The following MGAT4A variants were observed in gnomAD, a reference collection of about 807,000 sequenced individuals.
MGAT4A encodes the protein alpha-1,3-mannosyl-glycoprotein 4-beta-N-acetylglucosaminyltransferase A.
In MGAT4A, 33 loss-of-function variants were observed where a neutral mutation model predicts 74.1. That is an observed-to-expected ratio of 0.45 (90% CI 0.34 to 0.60). The LOEUF (loss-of-function observed/expected upper bound fraction) is 0.60, where lower values mean the gene tolerates loss of function less well. Among genes scored for constraint, MGAT4A ranks in the 20% least tolerant of loss-of-function variants. The pLI, the probability that MGAT4A is intolerant of heterozygous loss-of-function variation, is 0.02. For synonymous variants in MGAT4A, 198 were observed against 210.4 expected (o/e 0.94, Z 0.51); for missense variants, 479 against 628.3 (o/e 0.76, Z 2.54).
chr2:98,645,553 T>C lies in MGAT4A; in HGVS notation c.775-11A>G. 1.3e-6 allele frequency: 2 copies of C among 1,527,552 alleles called. No homozygotes were observed. The highest frequency in any genetic ancestry group is 8.8e-7 in the Non-Finnish European group (1 of 1,133,978). 94.6% of individuals were successfully genotyped at this position (1,527,552 alleles called of 1,614,324 possible). A position where few individuals can be genotyped will look rare whatever the true frequency, so the allele number is the denominator to read the frequency against. ...AATATCATCTTCAAGCTAGAGAAAA[T>C]TGAACAATCATATTAATACATCAAA... On this transcript the variant is annotated splice_polypyrimidine_tract_variant and intron_variant, in intron 8 of 15. Transcript: ENST00000393487.
At chr2:98,711,829 A>C (rs758100733) in intron 2 of MGAT4A, among the ~76,000 whole-genome samples, 3 of 152,058 alleles carry the variant, frequency 2.0e-5, no homozygotes, top group Non-Finnish European at 2.9e-5. Flanking sequence ...GTAGAGATGG[A>C]GTCTTACTTT....
At chr2:98,642,307 C>T (rs867717114) in intron 10 of MGAT4A, among the ~76,000 whole-genome samples, 2 of 152,198 alleles carry the variant, frequency 1.3e-5, no homozygotes, top group Middle Eastern at 6.8e-3. Context: ...GGACTCTGGC[C>T]GAAGGGCCCA....
At chr2:98,630,748 G>A (rs958479640) in intron 14 of MGAT4A, among the ~76,000 whole-genome samples, 2 of 152,148 alleles carry the variant, frequency 1.3e-5, no homozygotes, top group East Asian at 1.9e-4. Flanking sequence ...CAATACTCCC[G>A]AAGGGACACA....
chr2:98,678,657 T>A (rs953643104), intron 2 of MGAT4A, among the ~76,000 whole-genome samples, 186 bp from the exon 3 acceptor site: 4 of 152,172 alleles, frequency 2.6e-5, no homozygotes, highest in Non-Finnish European at 5.9e-5. Context: ...TCTTATTATT[T>A]GTAAGAATGC....
intron 14 of MGAT4A, among the ~76,000 whole-genome samples, chr2:98,626,040 ATTTAC>A (rs1238908961): frequency 2.0e-5 from 3 of 152,164 alleles, no homozygotes; most frequent in Non-Finnish European, 4.4e-5. Flanking sequence ...AAACTTCACA[ATTTAC>A]TTAATTAGGC....
At chr2:98,625,675 A>C (rs1218535976) in intron 15 of MGAT4A, 48 bp downstream of exon 15, 1 of 1,566,924 alleles carries the variant, frequency 6.4e-7, no homozygotes, top group African/African-American at 1.4e-5. Flanking sequence ...TAAAAACATA[A>C]TAAAAATGTA....
At position 98,621,652 on chromosome 2, in the gene MGAT4A, A is replaced by C. The variant is rs917757080; in HGVS notation, c.*3914T>G. The C allele has an allele frequency of 2.1e-6, 3 of 1,447,388 alleles. No homozygotes were observed. Among genetic ancestry groups the C allele is most frequent in the Admixed American group, 5.4e-5 (2 of 37,230 alleles). 89.7% of individuals were successfully genotyped at this position (1,447,388 alleles called of 1,614,324 possible). A position where few individuals can be genotyped will look rare whatever the true frequency, so the allele number is the denominator to read the frequency against. ...CAAGGTCATTGGTGGGGGTGTCAGT[A>C]GGGGTCATTCTTAGAAATTTGCCTA... is the stretch of plus-strand genomic sequence containing the variant. On this transcript the variant is annotated 3_prime_UTR_variant, in exon 16 of 16. Coordinates refer to ENST00000393487, the MANE Select transcript of MGAT4A (RefSeq NM_012214.3).
chr2:98,666,899 A>G (rs1167162806), intron 4 of MGAT4A, among the ~76,000 whole-genome samples: 1 of 152,120 alleles, frequency 6.6e-6, no homozygotes, highest in Non-Finnish European at 1.5e-5. Context: ...TTGCTTTGCT[A>G]AAGTTTAGAT....
intron 2 of MGAT4A, among the ~76,000 whole-genome samples, chr2:98,714,778 T>C (rs900387881): frequency 5.9e-5 from 9 of 152,274 alleles, no homozygotes; most frequent in Admixed American, 1.3e-4. Context: ...TTGCACAACA[T>C]TGTGAATGTA....
chr2:98,670,466 G>A (rs574855400), intron 4 of MGAT4A, among the ~76,000 whole-genome samples: 26 of 152,144 alleles, frequency 1.7e-4, no homozygotes, highest in East Asian at 1.2e-3. Flanking sequence ...CCACTTTCCC[G>A]GGAAGTTTTC....
chr2:98,676,807 G>A (rs563067991), intron 3 of MGAT4A, among the ~76,000 whole-genome samples: 4 of 152,198 alleles, frequency 2.6e-5, no homozygotes, highest in African/African-American at 9.6e-5. Flanking sequence ...TAACAATTTT[G>A]AAGAAAAACA....
intron 2 of MGAT4A, among the ~76,000 whole-genome samples, chr2:98,701,559 T>G (rs541336082): frequency 6.6e-6 from 1 of 152,364 alleles, no homozygotes; most frequent in African/African-American, 2.4e-5. Flanking sequence ...GCACATGTAC[T>G]GCTTAAGAAG....
At chr2:98,709,314 G>C (rs1440895424) in intron 2 of MGAT4A, among the ~76,000 whole-genome samples, 1 of 152,062 alleles carries the variant, frequency 6.6e-6, no homozygotes, top group Non-Finnish European at 1.5e-5. Context: ...AGCAATAATG[G>C]AGGTCCAATC....
At chr2:98,727,529 C>T (rs1199519100) in intron 1 of MGAT4A, among the ~76,000 whole-genome samples, 2 of 152,196 alleles carry the variant, frequency 1.3e-5, no homozygotes, top group Non-Finnish European at 2.9e-5. Context: ...TCCCTGGAGG[C>T]ACGCCAGGCC....
chr2:98,658,282 T>C lies in MGAT4A; in HGVS notation c.538-18A>G, dbSNP rs751980088. The stretch of plus-strand genomic sequence containing the variant: ...ATATCTGTCTGGGAAAGAAAAAAAA[T>C]GTATCTATATTCAAGTTTTTATATT... On this transcript the variant is annotated intron_variant, in intron 5 of 15. Coordinates refer to ENST00000393487, the MANE Select transcript of MGAT4A (RefSeq NM_012214.3). 80 of 1,481,316 alleles carry C rather than the reference T, an allele frequency of 5.4e-5. No individual in the cohort carries two copies. The highest frequency in any genetic ancestry group is 7.3e-5 in the Non-Finnish European group (79 of 1,084,558). 91.8% of individuals were successfully genotyped at this position (1,481,316 alleles called of 1,614,324 possible). A position where few individuals can be genotyped will look rare whatever the true frequency, so the allele number is the denominator to read the frequency against.
Position 98,658,207 on chromosome 2 carries a change from G to T in MGAT4A, c.584+11C>A, listed in dbSNP as rs1211907191. The T allele has an allele frequency of 2.0e-5, 31 of 1,540,572 alleles. No homozygotes were observed. Among genetic ancestry groups the T allele is most frequent in the Non-Finnish European group, 2.7e-5 (30 of 1,125,814 alleles). ...AAAATATTTGTATGTTTATAATTAA[G>T]AAGAACTTACTCTTTCTCCAGGTTG... On this transcript the variant is annotated intron_variant, in intron 6 of 15. Transcript: ENST00000393487.
At chr2:98,673,819 C>T (rs184306069) in intron 4 of MGAT4A, among the ~76,000 whole-genome samples, 19 of 152,188 alleles carry the variant, frequency 1.2e-4, no homozygotes, top group Admixed American at 1.2e-3. Context: ...AGACATCTTA[C>T]CCAAAAAGTG....
intron 12 of MGAT4A, 34 bp downstream of exon 12, chr2:98,639,774 T>G: frequency 6.5e-7 from 1 of 1,535,402 alleles, no homozygotes; most frequent in Non-Finnish European, 8.9e-7. Flanking sequence ...GAGATCCAAA[T>G]TGTAAGATCA....
At chr2:98,721,647 A>C (rs1702673129) in intron 2 of MGAT4A, among the ~76,000 whole-genome samples, 1 of 152,180 alleles carries the variant, frequency 6.6e-6, no homozygotes, top group Non-Finnish European at 1.5e-5. Flanking sequence ...AAGGGTAAAA[A>C]GGAACAGACC....
Sources: gnomAD v4.1 joint callset for allele counts (sites outside exome capture counted in the v4.1 genomes callset) on GRCh38, gnomAD v4.1.1 for gene constraint, MANE v1.5 for transcripts, NCBI Gene and HGNC (gene_info 2026-07-23, HGNC 2026-07-21) for gene names.